LINGO2: variants seen among roughly 807,000 people sequenced by gnomAD.
LINGO2 encodes the protein leucine-rich repeat and immunoglobulin-like domain-containing nogo receptor-interacting protein 2.
A neutral mutation model predicts 30.6 loss-of-function variants in LINGO2; 14 were observed. The ratio of observed to expected loss-of-function variants is 0.46; its 90% CI spans 0.30 to 0.72. The LOEUF (loss-of-function observed/expected upper bound fraction) is 0.72, where lower values mean the gene tolerates loss of function less well. Among genes scored for constraint, LINGO2 ranks in the 30% least tolerant of loss-of-function variants. The probability of loss-of-function intolerance (pLI) is 0.07; values close to 1 mark genes in which losing one functional copy is unlikely to be tolerated. For synonymous variants in LINGO2, 317 were observed against 288.5 expected, an observed-to-expected ratio of 1.10 and a Z score of -1.00; for missense variants, 729 against 751.7, an observed-to-expected ratio of 0.97 and a Z score of 0.35.
the LINGO2 span, among the ~76,000 whole-genome samples, chr9:28,904,554 C>A: frequency 6.6e-6 from 1 of 151,798 alleles, no homozygotes; most frequent in Non-Finnish European, 1.5e-5. Flanking sequence ...TGTTTTTATA[C>A]ACTAACAATG....
the LINGO2 span, among the ~76,000 whole-genome samples, chr9:29,192,756 G>A: frequency 2.0e-5 from 3 of 152,014 alleles, no homozygotes; most frequent in African/African-American, 7.2e-5. Flanking sequence ...AAAAACCCAG[G>A]CAGGGTCATA....
At chr9:28,777,364 G>T in the LINGO2 span, among the ~76,000 whole-genome samples, 2 of 152,056 alleles carry the variant, frequency 1.3e-5, no homozygotes, top group Non-Finnish European at 2.9e-5. Context: ...AGTAGGCAGG[G>T]TCCTATTTTA....
rs539894383 is a variant in LINGO2, at chr9:28,474,724, A to AT, written c.-279+1215dup. On this transcript the variant is annotated intron_variant, in intron 2 of 5. Coordinates refer to ENST00000379992, the Ensembl canonical transcript of LINGO2. ...CTGGACTAGGAGATGGAAAATCTAG[A>AT]TTGAGTGTTTCACTTGCATCACATG... Among the ~76,000 whole-genome samples the AT allele has an allele frequency of 1.3e-4, 20 of 152,260 alleles. No homozygotes were observed. The South Asian group carries it at 4.1e-3, about 32-fold the overall frequency.
chr9:28,900,497 A>G, the LINGO2 span, among the ~76,000 whole-genome samples: 2 of 152,084 alleles, frequency 1.3e-5, no homozygotes, highest in Admixed American at 6.6e-5. Context: ...TACAGACCCA[A>G]TCAAAACTTC....
At chr9:28,283,502 T>C (rs967365867) in intron 4 of LINGO2, among the ~76,000 whole-genome samples, 3 of 152,178 alleles carry the variant, frequency 2.0e-5, no homozygotes, top group African/African-American at 7.2e-5. Flanking sequence ...AGAAATGTAT[T>C]TTATAGTAGA....
At chr9:28,633,528 C>T (rs1261299354) in intron 1 of LINGO2, among the ~76,000 whole-genome samples, 2 of 152,074 alleles carry the variant, frequency 1.3e-5, no homozygotes, top group Non-Finnish European at 2.9e-5. Context: ...GAGGTAAAAG[C>T]TCTCAAATTG....
the LINGO2 span, among the ~76,000 whole-genome samples, chr9:28,822,748 C>T: frequency 1.3e-5 from 2 of 152,096 alleles, no homozygotes; most frequent in African/African-American, 2.4e-5. Flanking sequence ...GACGGCCTTT[C>T]TTAGGACCTT....
chr9:28,358,246 A>G (rs1295695169), intron 3 of LINGO2, among the ~76,000 whole-genome samples: 1 of 152,102 alleles, frequency 6.6e-6, no homozygotes, highest in African/African-American at 2.4e-5. Context: ...ATTATTTCCA[A>G]TTCTAGATGG....
chr9:28,315,723 A>T (rs1824819527), intron 3 of LINGO2, among the ~76,000 whole-genome samples: 1 of 152,202 alleles, frequency 6.6e-6, no homozygotes, highest in African/African-American at 2.4e-5. Context: ...ACATGAGAAC[A>T]TCCACTGTAG....
intron 2 of LINGO2, among the ~76,000 whole-genome samples, chr9:28,444,883 G>A (rs913471958): frequency 2.0e-5 from 3 of 152,210 alleles, no homozygotes; most frequent in African/African-American, 4.8e-5. Flanking sequence ...CAGGCTGGTA[G>A]TGCAAGCCAA....
chr9:28,822,084 G>A, the LINGO2 span, among the ~76,000 whole-genome samples: 1 of 152,016 alleles, frequency 6.6e-6, no homozygotes, highest in African/African-American at 2.4e-5. Context: ...ATAGGTGGCC[G>A]AACTCTTTAT....
At chr9:28,175,031 A>C (rs1457819067) in intron 4 of LINGO2, among the ~76,000 whole-genome samples, 1 of 152,064 alleles carries the variant, frequency 6.6e-6, no homozygotes, top group Non-Finnish European at 1.5e-5. Context: ...CTGCCTGCCC[A>C]TACCAGCATC....
At chr9:28,465,689 G>A (rs968384406) in intron 2 of LINGO2, among the ~76,000 whole-genome samples, 44 of 152,220 alleles carry the variant, frequency 2.9e-4, no homozygotes, top group African/African-American at 9.9e-4. Flanking sequence ...CAGAATAGGA[G>A]AAAATATTTG....
the LINGO2 span, among the ~76,000 whole-genome samples, chr9:28,989,604 C>G: frequency 1.3e-5 from 2 of 152,162 alleles, no homozygotes; most frequent in East Asian, 3.8e-4. Context: ...GACTCACCCA[C>G]TGCTACCTGT....
At chr9:28,388,185 CT>C (rs1411583412) in intron 2 of LINGO2, among the ~76,000 whole-genome samples, 2 of 152,232 alleles carry the variant, frequency 1.3e-5, no homozygotes, top group East Asian at 3.9e-4. Context: ...ACTAGACTTG[CT>C]TTTTTCTCTC....
chr9:28,805,232 C>T, the LINGO2 span, among the ~76,000 whole-genome samples: 1 of 152,282 alleles, frequency 6.6e-6, no homozygotes. Flanking sequence ...TCATCAGCTG[C>T]TGCACACATT....
At chr9:29,035,802 T>C in the LINGO2 span, among the ~76,000 whole-genome samples, 1 of 151,928 alleles carries the variant, frequency 6.6e-6, no homozygotes, top group African/African-American at 2.4e-5. Flanking sequence ...TTAGTCCCAA[T>C]TTGTTCCCTG....
chr9:28,229,974 C>T (rs2133932147), intron 4 of LINGO2, among the ~76,000 whole-genome samples: 1 of 151,832 alleles, frequency 6.6e-6, no homozygotes, highest in Middle Eastern at 3.4e-3. Context: ...AAAAGAAAAA[C>T]TAACACCAAA....
chr9:28,210,856 C>G (rs1428273170), intron 4 of LINGO2, among the ~76,000 whole-genome samples: 1 of 151,240 alleles, frequency 6.6e-6, no homozygotes, highest in African/African-American at 2.4e-5. Context: ...AATTTAAGGG[C>G]AAATATCACA....
Sources: gnomAD v4.1 joint callset for allele counts (sites outside exome capture counted in the v4.1 genomes callset) on GRCh38, gnomAD v4.1.1 for gene constraint, MANE v1.5 for transcripts, NCBI Gene and HGNC (gene_info 2026-07-23, HGNC 2026-07-21) for gene names.